ANKS1B: variants seen among roughly 807,000 people sequenced by gnomAD.
The protein encoded by ANKS1B is ankyrin repeat and sterile alpha motif domain containing 1B.
ANKS1B carries 36 observed loss-of-function variants against 148.3 expected under a neutral mutation model. The ratio of observed to expected loss-of-function variants is 0.24; its 90% CI spans 0.19 to 0.32. The LOEUF is 0.32. Among genes scored for constraint, ANKS1B ranks in the 10% least tolerant of loss-of-function variants. The pLI is 1.00. For missense variants in ANKS1B, 1,157 were observed against 1,542.6 expected, an observed-to-expected ratio of 0.75 and a Z score of 4.19; for synonymous variants, 542 against 560.8, an observed-to-expected ratio of 0.97 and a Z score of 0.47.
chr12:99,525,011 C>T, intron 9 of ANKS1B, among the ~76,000 whole-genome samples: 1 of 152,264 alleles, frequency 6.6e-6, no homozygotes, highest in East Asian at 1.9e-4. Flanking sequence ...ACAGATTCTT[C>T]CCTAGAGCCT....
intron 25 of ANKS1B, among the ~76,000 whole-genome samples, chr12:98,768,224 G>A (rs897610078): frequency 1.3e-5 from 2 of 152,016 alleles, no homozygotes; most frequent in African/African-American, 4.8e-5. Context: ...TTGCTTGTGT[G>A]TATATATTGG....
At chr12:99,971,266 G>A (rs949931519) in intron 1 of ANKS1B, among the ~76,000 whole-genome samples, 3 of 152,108 alleles carry the variant, frequency 2.0e-5, no homozygotes, top group Non-Finnish European at 4.4e-5. Flanking sequence ...TCAACCTTCA[G>A]GATGACAGAC....
chr12:98,975,182 C>T (rs2099891956), intron 17 of ANKS1B, among the ~76,000 whole-genome samples: 1 of 144,816 alleles, frequency 6.9e-6, no homozygotes, highest in African/African-American at 2.6e-5. Flanking sequence ...ACCTTCCTCC[C>T]TTTCCTCTTC....
chr12:99,177,386 A>C (rs1011064245), intron 14 of ANKS1B, among the ~76,000 whole-genome samples: 2 of 152,218 alleles, frequency 1.3e-5, no homozygotes, highest in African/African-American at 2.4e-5. Context: ...TGAGCAGAAC[A>C]GTTGTTAAGG....
intron 8 of ANKS1B, among the ~76,000 whole-genome samples, chr12:99,694,339 T>C (rs184139156): frequency 6.6e-6 from 1 of 151,224 alleles, no homozygotes; most frequent in African/African-American, 2.4e-5. Context: ...CTCAGGAGTC[T>C]GAGGCAGAAG....
At chr12:99,626,094 C>G (rs1363348996) in intron 9 of ANKS1B, among the ~76,000 whole-genome samples, 1 of 152,128 alleles carries the variant, frequency 6.6e-6, no homozygotes, top group Non-Finnish European at 1.5e-5. Context: ...ATATGGTGAT[C>G]TGTTTTCTTC....
chr12:99,462,193 G>T (rs1201535740), intron 10 of ANKS1B, among the ~76,000 whole-genome samples: 1 of 152,188 alleles, frequency 6.6e-6, no homozygotes, highest in African/African-American at 2.4e-5. Context: ...TGTATGATGT[G>T]TTGCTGGCAG....
chr12:99,975,754 CATT>C (rs2095619145), intron 1 of ANKS1B, among the ~76,000 whole-genome samples: 1 of 152,204 alleles, frequency 6.6e-6, no homozygotes, highest in African/African-American at 2.4e-5. Context: ...TATCTTCTCC[CATT>C]CTGTAGGTTG....
chr12:99,103,811 C>A (rs1187542355), intron 15 of ANKS1B, among the ~76,000 whole-genome samples: 3 of 152,106 alleles, frequency 2.0e-5, no homozygotes, highest in Admixed American at 6.6e-5. Flanking sequence ...TCCTGGAGGA[C>A]AAGAATTTAG....
At chr12:98,905,411 A>G (rs1026613120) in intron 17 of ANKS1B, among the ~76,000 whole-genome samples, 6 of 152,174 alleles carry the variant, frequency 3.9e-5, no homozygotes, top group African/African-American at 1.4e-4. Flanking sequence ...CTCCAAGGAA[A>G]AAAGGAATGA....
chr12:99,414,628 C>T (rs1306395981), intron 11 of ANKS1B, among the ~76,000 whole-genome samples: 2 of 152,040 alleles, frequency 1.3e-5, no homozygotes, highest in African/African-American at 4.8e-5. Context: ...GGGAGTTGAA[C>T]AATTAGAACA....
intron 16 of ANKS1B, among the ~76,000 whole-genome samples, chr12:99,069,722 A>C (rs1332870373): frequency 6.6e-6 from 1 of 152,232 alleles, no homozygotes; most frequent in Non-Finnish European, 1.5e-5. Context: ...TGATAAGGGC[A>C]GTAGTTATCT....
At chr12:99,105,107 G>T (rs2058851210) in intron 15 of ANKS1B, 1 of 152,226 alleles carries the variant, frequency 6.6e-6, no homozygotes, top group Admixed American at 6.5e-5. Context: ...CCAGACGAAA[G>T]AAATAATGGG....
intron 14 of ANKS1B, among the ~76,000 whole-genome samples, chr12:99,216,231 C>T (rs760960191): frequency 6.6e-6 from 1 of 152,194 alleles, no homozygotes; most frequent in Non-Finnish European, 1.5e-5. Flanking sequence ...CATTAAACCT[C>T]TTTTTCTTTA....
At chr12:99,090,324 T>C (rs1307756799) in intron 15 of ANKS1B, among the ~76,000 whole-genome samples, 1 of 152,194 alleles carries the variant, frequency 6.6e-6, no homozygotes, top group Non-Finnish European at 1.5e-5. Context: ...CTTCATATTA[T>C]ATATTGTAGA....
chr12:99,250,703 A>ATTCAAC (rs368991997), intron 12 of ANKS1B, among the ~76,000 whole-genome samples: 48,791 of 152,120 alleles, frequency 0.32, 9,266 homozygotes, highest in African/African-American at 0.54. Context: ...GAAAATATAA[A>ATTCAAC]CTATATCCCA....
intron 1 of ANKS1B, among the ~76,000 whole-genome samples, chr12:99,964,386 C>CTT (rs1462735430): frequency 6.6e-6 from 1 of 152,246 alleles, no homozygotes; most frequent in Non-Finnish European, 1.5e-5. Flanking sequence ...TTCTCTTCCA[C>CTT]TCCCTATTCC....
At chr12:99,907,833 A>C (rs1358602035) in intron 1 of ANKS1B, among the ~76,000 whole-genome samples, 2 of 151,214 alleles carry the variant, frequency 1.3e-5, no homozygotes, top group Non-Finnish European at 3.0e-5. Flanking sequence ...AAAAAAAAAA[A>C]AAAAACTGTA....
chr12:98,745,163 T>C lies in ANKS1B; in HGVS notation c.*576A>G. ...TCTTTCTCTGACATAGGTGATTACA[T>C]ATAAAATCCACAAATATAGAAATGG... On this transcript the variant is annotated 3_prime_UTR_variant, in exon 27 of 27. Transcript: ENST00000683438. 1 of 985,824 alleles carries C rather than the reference T, an allele frequency of 1.0e-6. No individual in the cohort carries two copies. The highest frequency in any genetic ancestry group is 1.2e-6 in the Non-Finnish European group (1 of 829,918). The allele number at this position is 985,824 out of a possible 1,614,324, so 61.1% of individuals were successfully genotyped here. A position where few individuals can be genotyped will look rare whatever the true frequency, so the allele number is the denominator to read the frequency against.
Sources: gnomAD v4.1 joint callset for allele counts (sites outside exome capture counted in the v4.1 genomes callset) on GRCh38, gnomAD v4.1.1 for gene constraint, MANE v1.5 for transcripts, NCBI Gene and HGNC (gene_info 2026-07-23, HGNC 2026-07-21) for gene names.